EVL: variants seen among roughly 807,000 people sequenced by gnomAD.
EVL encodes ena/VASP-like protein.
EVL carries 21 observed loss-of-function variants against 59.6 expected under a neutral mutation model. The observed-to-expected ratio is 0.35, with a 90% CI of 0.25 to 0.51. EVL has a LOEUF of 0.51. EVL is among the 20% of genes least tolerant of loss of function. The pLI is 0.97. For synonymous variants in EVL, 198 were observed against 203.5 expected (o/e 0.97, Z 0.23); for missense variants, 462 against 546.6 (o/e 0.85, Z 1.54).
chr14:100,099,054 C>A (rs553645065), intron 3 of EVL, among the ~76,000 whole-genome samples: 2 of 151,780 alleles, frequency 1.3e-5, no homozygotes, highest in Non-Finnish European at 2.9e-5. Flanking sequence ...ATTTAAATAT[C>A]TACTGGCGCC....
In EVL at chr14:100,123,698, G is replaced by A. The variant is rs1887846990; in HGVS notation, c.422+96G>A. 5 of 1,283,042 alleles carry A rather than the reference G, an allele frequency of 3.9e-6. No homozygotes were observed. In the East Asian group the frequency reaches 7.3e-5, roughly 19 times the overall value. 79.5% of individuals were successfully genotyped at this position (1,283,042 alleles called of 1,614,324 possible). A position where few individuals can be genotyped will look rare whatever the true frequency, so the allele number is the denominator to read the frequency against. On this transcript the variant is annotated intron_variant, in intron 4 of 13. Coordinates refer to ENST00000392920, the MANE Select transcript of EVL (RefSeq NM_016337.3). ...CGGGTGAGGATGCACCAGCAGCCAA[G>A]GCCAGGACTCCTAGAGGCATACACT... is the stretch of plus-strand genomic sequence containing the variant.
chr14:100,008,749 C>T (rs1354252490), intron 1 of EVL, among the ~76,000 whole-genome samples: 4 of 152,074 alleles, frequency 2.6e-5, no homozygotes, highest in Admixed American at 6.5e-5. Context: ...ATTAGCAATC[C>T]GTGGGAAGGT....
At chr14:100,073,375 G>A (rs897245236) in intron 1 of EVL, among the ~76,000 whole-genome samples, 2 of 147,210 alleles carry the variant, frequency 1.4e-5, no homozygotes, top group Non-Finnish European at 3.0e-5. Context: ...AGGATGGAGT[G>A]CAGTGGTGCA....
At chr14:100,063,444 A>G (rs1242038469), upstream of EVL, among the ~76,000 whole-genome samples, 1 of 152,224 alleles carries the variant, frequency 6.6e-6, no homozygotes, top group East Asian at 1.9e-4. Context: ...ACAAAACTCT[A>G]AGATAATAAG....
intron 1 of EVL, chr14:100,066,585 T>A (rs971323380): frequency 6.6e-6 from 1 of 152,214 alleles, no homozygotes; most frequent in Admixed American, 6.5e-5. Flanking sequence ...TTAGTAACTT[T>A]CCTTTAACTT....
chr14:100,113,284 G>T (rs572345808), intron 3 of EVL, among the ~76,000 whole-genome samples: 1 of 152,148 alleles, frequency 6.6e-6, no homozygotes, highest in African/African-American at 2.4e-5. Flanking sequence ...GGCTTTGAGC[G>T]TAACATCCCA....
chr14:99,995,359 C>T (rs1219100106), intron 1 of EVL, among the ~76,000 whole-genome samples: 2 of 152,110 alleles, frequency 1.3e-5, no homozygotes, highest in Admixed American at 1.3e-4. Flanking sequence ...TCAGTAATTT[C>T]AAATGTCTTG....
intron 3 of EVL, among the ~76,000 whole-genome samples, chr14:100,120,252 T>C (rs1887611135): frequency 1.3e-5 from 2 of 152,206 alleles, no homozygotes; most frequent in African/African-American, 4.8e-5. Flanking sequence ...GCATGACTCC[T>C]TCACCTGAAC....
At chr14:100,015,745 T>C (rs2140196067) in intron 1 of EVL, among the ~76,000 whole-genome samples, 1 of 152,276 alleles carries the variant, frequency 6.6e-6, no homozygotes, top group East Asian at 1.9e-4. Context: ...TTGTATGTAT[T>C]AGGGTTCCAT....
intron 1 of EVL, among the ~76,000 whole-genome samples, chr14:100,075,181 C>T (rs1272986532): frequency 6.6e-6 from 1 of 152,226 alleles, no homozygotes; most frequent in Non-Finnish European, 1.5e-5. Flanking sequence ...CTCTTCTGAA[C>T]TAGCAAGTGA....
At chr14:100,040,964 A>G (rs2061458925) in intron 1 of EVL, among the ~76,000 whole-genome samples, 1 of 152,206 alleles carries the variant, frequency 6.6e-6, no homozygotes, top group Non-Finnish European at 1.5e-5. Context: ...AAGACACTCC[A>G]TTTGAGATGC....
At chr14:99,980,710 CTATAGGGA>C (rs1262000399) in intron 1 of EVL, among the ~76,000 whole-genome samples, 2 of 152,190 alleles carry the variant, frequency 1.3e-5, no homozygotes, top group African/African-American at 4.8e-5. Flanking sequence ...TTTGTAAGGG[CTATAGGGA>C]TTCCGTGTGT....
chr14:100,037,437 A>G (rs759010781), intron 1 of EVL, among the ~76,000 whole-genome samples: 5 of 152,152 alleles, frequency 3.3e-5, no homozygotes, highest in Non-Finnish European at 7.4e-5. Context: ...TCCTTCTCAT[A>G]TACTCTGAAA....
chr14:100,013,560 G>A (rs577111513), intron 1 of EVL, among the ~76,000 whole-genome samples: 7 of 152,342 alleles, frequency 4.6e-5, no homozygotes, highest in African/African-American at 1.7e-4. Context: ...GTGGAGAGAA[G>A]GTGGAAGCAC....
intron 2 of EVL, among the ~76,000 whole-genome samples, chr14:100,092,782 G>A (rs954929946): frequency 2.6e-5 from 4 of 152,134 alleles, no homozygotes; most frequent in Admixed American, 6.5e-5. Flanking sequence ...GGATATATGC[G>A]GTAACATGGT....
chr14:100,123,611 G>A lies in EVL; in HGVS notation c.422+9G>A, dbSNP rs751740609. On this transcript the variant is annotated intron_variant, in intron 4 of 13. Coordinates refer to ENST00000392920, the MANE Select transcript of EVL (RefSeq NM_016337.3). Reference sequence around the variant, plus strand: ...ATGGACATCCAGAGAAGGTAACCCAGCACCCGCAGGGGCCAGGCTGGTCAT... The same window carrying A: ...ATGGACATCCAGAGAAGGTAACCCAACACCCGCAGGGGCCAGGCTGGTCAT... The A allele has an allele frequency of 1.9e-6, 3 of 1,613,942 alleles. No individual in the cohort carries two copies. In the South Asian group the frequency reaches 3.3e-5, roughly 18 times the overall value.
At chr14:100,042,511 G>A (rs1167556415) in intron 1 of EVL, among the ~76,000 whole-genome samples, 4 of 152,254 alleles carry the variant, frequency 2.6e-5, no homozygotes, top group South Asian at 2.1e-4. Flanking sequence ...CAGTGGAGAC[G>A]CTGCCTCCTT....
Position 100,128,675 on chromosome 14 carries a change from C to G in EVL, c.644C>G (p.Ser215Cys). Residue 215 changes from serine to cysteine, a missense_variant, in exon 6 of 14, where the codon TCC becomes TGC. Coordinates refer to ENST00000392920, the MANE Select transcript of EVL (RefSeq NM_016337.3). ...PPLPAGGAQG[S>C]SHDESSMSGL... ...CTGCCAGCCGGAGGAGCCCAGGGGT[C>G]CAGCCACGACGAGAGCTCCATGTCA... 2 of 1,547,992 alleles carry G rather than the reference C, an allele frequency of 1.3e-6. No individual in the cohort carries two copies. The highest frequency in any genetic ancestry group is 1.1e-5 in the South Asian group (1 of 89,044).
chr14:100,135,148 T>A (rs1397956764), intron 8 of EVL: 1 of 152,246 alleles, frequency 6.6e-6, no homozygotes, highest in African/African-American at 2.4e-5. Context: ...CACCTGCTTT[T>A]GCCTCTCGAC....
Sources: allele counts gnomAD v4.1 joint callset (sites outside exome capture counted in the v4.1 genomes callset), GRCh38; gene constraint gnomAD v4.1.1; transcripts MANE v1.5; gene names NCBI Gene and HGNC (gene_info 2026-07-23, HGNC 2026-07-21).